DIABLO: variants seen among roughly 807,000 people sequenced by gnomAD.
The protein encoded by DIABLO is diablo homolog, mitochondrial.
In DIABLO, 32 loss-of-function variants were observed where a neutral mutation model predicts 31.7. The observed-to-expected ratio is 1.01, with a 90% CI of 0.76 to 1.35. DIABLO has a LOEUF of 1.35. Among genes scored for constraint, DIABLO ranks in the 40% most tolerant of loss-of-function variants. The pLI, the probability that DIABLO is intolerant of heterozygous loss-of-function variation, is 0.00. For missense variants in DIABLO, 316 were observed against 286.4 expected, an observed-to-expected ratio of 1.10 and a Z score of -0.75; for synonymous variants, 132 against 103.2, an observed-to-expected ratio of 1.28 and a Z score of -1.69.
intron 5 of DIABLO, among the ~76,000 whole-genome samples, chr12:122,211,606 C>T (rs1954090828): frequency 6.6e-6 from 1 of 151,932 alleles, no homozygotes; most frequent in Admixed American, 6.6e-5. Context: ...ATGGCTTGAG[C>T]CCAGGTCAAG....
At chr12:122,211,577 G>A (rs915684607) in intron 5 of DIABLO, among the ~76,000 whole-genome samples, 3 of 151,920 alleles carry the variant, frequency 2.0e-5, no homozygotes, top group African/African-American at 7.3e-5. Context: ...TGGGCTGCTT[G>A]GGACGCTGAA....
At chr12:122,214,242 A>G (rs1264058986) in intron 5 of DIABLO, among the ~76,000 whole-genome samples, 1 of 152,026 alleles carries the variant, frequency 6.6e-6, no homozygotes. Flanking sequence ...CTGGAGTGCA[A>G]TGATCTCACC....
intron 4 of DIABLO, 41 bp downstream of exon 4, chr12:122,216,718 T>G (rs770624006): frequency 1.3e-6 from 2 of 1,574,686 alleles, no homozygotes; most frequent in Non-Finnish European, 1.7e-6. Flanking sequence ...CCACATGAGG[T>G]AGGTGCACTA....
At chr12:122,225,422 A>G (rs192504836) in intron 1 of DIABLO, 7 of 997,464 alleles carry the variant, frequency 7.0e-6, no homozygotes, top group East Asian at 2.2e-4. Context: ...TTGCCTTTAA[A>G]CTTTTTAGAA....
At chr12:122,225,584 C>T (rs2136110460) in intron 1 of DIABLO, 1 of 1,197,584 alleles carries the variant, frequency 8.4e-7, no homozygotes, top group Non-Finnish European at 1.0e-6. Flanking sequence ...CCCCTTCTGC[C>T]CTCGGGAGGA....
Position 122,208,425 on chromosome 12 carries a change from C to T in DIABLO, c.676G>A (p.Glu226Lys), listed in dbSNP as rs999897604. Residue 226 changes from glutamate to lysine, a missense_variant, in exon 6 of 6, where the codon GAG becomes AAG. Transcript: ENST00000464942. ...LRQKTQEEGE[E>K]RAESEQEAYL... ...GCCTCCTGCTCCGACTCAGCCCGCT[C>T]CTCCCCTTCCTCCTGTGTTTTCTGA... is the stretch of plus-strand genomic sequence containing the variant. The T allele has an allele frequency of 1.2e-6, 2 of 1,613,666 alleles. No homozygotes were observed. The highest frequency in any genetic ancestry group is 2.7e-5 in the African/African-American group (2 of 74,924).
rs1023288157 is a variant in DIABLO at position 122,210,657 on chromosome 12, G to A, written c.524-2080C>T. On this transcript the variant is annotated intron_variant, in intron 5 of 5. Transcript: ENST00000464942. ...GCCTCCCAAAGTGCTGGGATTACAG[G>A]CGTGAGCCACCGCGCCCAGGTGATA... 4.6e-5 allele frequency among the ~76,000 whole-genome samples: 7 copies of A among 152,046 alleles called. No homozygotes were observed. The South Asian group carries it at 6.2e-4, about 14-fold the overall frequency.
At chr12:122,226,158 G>A (rs781264000), upstream of DIABLO, 92 of 1,258,130 alleles carry the variant, frequency 7.3e-5, 3 homozygotes, top group South Asian at 9.7e-4. Context: ...GGCAGGCAGG[G>A]GGAAAGGGGG....
Position 122,218,366 on chromosome 12 carries a change from G to C in DIABLO, c.215C>G (p.Ala72Gly). Residue 72 changes from alanine (A) to glycine (G), a missense_variant, in exon 3 of 6, where the codon GCA becomes GGA. Transcript: ENST00000464942. ...KSEPHSLSSEALMRRAVSLVT... is the reference protein window; with the variant it reads ...KSEPHSLSSEGLMRRAVSLVT... ...CAAAGACACTGCTCTCCTCATCAATGCTTCACTACTAAGGGAATGAGGCTC... is the reference window on the plus strand; with the variant it reads ...CAAAGACACTGCTCTCCTCATCAATCCTTCACTACTAAGGGAATGAGGCTC... 1 of 1,614,148 alleles carries C rather than the reference G, an allele frequency of 6.2e-7. No individual in the cohort carries two copies. Among genetic ancestry groups the C allele is most frequent in the Non-Finnish European group, 8.5e-7 (1 of 1,180,024 alleles).
In DIABLO at chr12:122,211,077, TAAAAA is replaced by T. The variant is rs1156571584; in HGVS notation, c.524-2505_524-2501del. Among the ~76,000 whole-genome samples the T allele has an allele frequency of 7.5e-3, 107 of 14,334 alleles. 1 individual carries two copies. The highest frequency in any genetic ancestry group is 0.023 in the African/African-American group (94 of 4,164). The allele number at this position is 14,334 out of a possible 152,430, so 9.4% of individuals were successfully genotyped here. A position where few individuals can be genotyped will look rare whatever the true frequency, so the allele number is the denominator to read the frequency against. Reference sequence around the variant, plus strand: ...TGATTTTCCTTTGTTTAGTTAAAAGTAAAAAAAAAAAAAAAAAAAAAAAAAAAAAA... The same window carrying T: ...TGATTTTCCTTTGTTTAGTTAAAAGTAAAAAAAAAAAAAAAAAAAAAAAAA... On this transcript the variant is annotated intron_variant, in intron 5 of 5. Transcript: ENST00000464942.
At chr12:122,214,837 T>C (rs1003236922) in intron 5 of DIABLO, among the ~76,000 whole-genome samples, 3 of 152,096 alleles carry the variant, frequency 2.0e-5, no homozygotes, top group African/African-American at 4.8e-5. Flanking sequence ...TGCACAGGCG[T>C]GTGCCACTAC....
intron 5 of DIABLO, 185 bp from the exon 6 acceptor site, chr12:122,208,762 C>G (rs769214227): frequency 1.4e-6 from 1 of 706,564 alleles, no homozygotes; most frequent in Admixed American, 2.0e-5. Context: ...ATTTAACTGA[C>G]ACTCTGTCAA....
intron 3 of DIABLO, chr12:122,217,233 C>G: frequency 3.3e-6 from 1 of 301,054 alleles, no homozygotes; most frequent in Non-Finnish European, 6.4e-6. Context: ...TTTTTATTGG[C>G]CGGGTGCAGT....
Position 122,218,320 on chromosome 12 carries a change from G to T in DIABLO, c.261C>A (p.Thr87=). 6.2e-7 allele frequency: 1 copy of T among 1,614,110 alleles called. No homozygotes were observed. Among genetic ancestry groups the T allele is most frequent in the Non-Finnish European group, 8.5e-7 (1 of 1,179,998 alleles). ...AVSLVTDSTS[T]FLSQTTYALI... Reference sequence around the variant, plus strand: ...ACGCATATGTGGTCTGAGAGAGAAAGGTAGAGGTGCTATCTGTTACCAAAG... The same window carrying T: ...ACGCATATGTGGTCTGAGAGAGAAATGTAGAGGTGCTATCTGTTACCAAAG... The change falls in exon 3 of 6, where the codon ACC becomes ACA. Residue 87 remains threonine (T), a synonymous_variant. Coordinates refer to ENST00000464942, the MANE Select transcript of DIABLO (RefSeq NM_001371333.1).
chr12:122,226,404 C>A (rs1377014843), upstream of DIABLO: 1 of 470,962 alleles, frequency 2.1e-6, no homozygotes, highest in Admixed American at 2.5e-5. Context: ...GGGCGGGAGG[C>A]GGGGCCGGGC....
At chr12:122,216,938 C>CTTG in intron 3 of DIABLO, 69 bp from the exon 4 acceptor site, 1 of 1,364,634 alleles carries the variant, frequency 7.3e-7, no homozygotes, top group Non-Finnish European at 1.0e-6. Context: ...GAGAGATTTC[C>CTTG]ACCTCAAGGA....
At chr12:122,222,063 G>A (rs182460037) in intron 2 of DIABLO, 1 of 152,268 alleles carries the variant, frequency 6.6e-6, no homozygotes, top group Admixed American at 6.5e-5. Flanking sequence ...TAAGTGGCAG[G>A]AATATTTTGC....
intron 5 of DIABLO, 35 bp downstream of exon 5, chr12:122,216,453 T>TAAAA: frequency 1.5e-6 from 2 of 1,315,924 alleles, no homozygotes; most frequent in African/African-American, 1.6e-5. Flanking sequence ...AGTTAAAAAA[T>TAAAA]TAAAAAAAAA....
At chr12:122,225,339 A>ATC in intron 1 of DIABLO, 1 of 920,332 alleles carries the variant, frequency 1.1e-6, no homozygotes, top group Non-Finnish European at 1.3e-6. Flanking sequence ...GTGAGCTGAG[A>ATC]TCTCGCCACT....
Sources: allele counts gnomAD v4.1 joint callset (sites outside exome capture counted in the v4.1 genomes callset), GRCh38; gene constraint gnomAD v4.1.1; transcripts MANE v1.5; gene names NCBI Gene and HGNC (gene_info 2026-07-23, HGNC 2026-07-21).